Variants in BSN observed in about 807,000 individuals in gnomAD.
BSN encodes the protein protein bassoon.
In BSN, 57 loss-of-function variants were observed where a neutral mutation model predicts 264.8. The ratio of observed to expected loss-of-function variants is 0.22; its 90% CI spans 0.17 to 0.27. BSN has a LOEUF of 0.27. Ranked by LOEUF, BSN falls within the 10% of genes least tolerant of loss-of-function variation. BSN has a pLI of 1.00. For missense variants in BSN, 4,615 were observed against 5,232.5 expected (o/e 0.88, Z 3.64); for synonymous variants, 2,059 against 2,137.3 (o/e 0.96, Z 1.01).
intron 1 of BSN, among the ~76,000 whole-genome samples, chr3:49,597,235 G>A (rs914197552): frequency 6.6e-6 from 1 of 151,940 alleles, no homozygotes; most frequent in Non-Finnish European, 1.5e-5. Flanking sequence ...AGATTGCCCA[G>A]TCTTACTGAT....
chr3:49,567,440 G>C (rs2051760672), intron 1 of BSN, among the ~76,000 whole-genome samples: 1 of 152,216 alleles, frequency 6.6e-6, no homozygotes, highest in South Asian at 2.1e-4. Context: ...TCATGCATCT[G>C]CATGCTGGCT....
At position 49,554,691 on chromosome 3, in the gene BSN, GC is replaced by G. The variant is rs1344614824; in HGVS notation, c.93del (p.Gly32AlafsTer100). ...GGCCCCGGCCCGGGCCCCGGCCCCGGCCCCGGCGCAGGAAAGCCGCCTTCAG... is the reference window on the plus strand; with the variant it reads ...GGCCCCGGCCCGGGCCCCGGCCCCGGCCCGGCGCAGGAAAGCCGCCTTCAG... ...GAGPGPGPGP[G>X]PGAGKPPSAP... On this transcript the variant is annotated frameshift_variant, in exon 1 of 12. Transcript: ENST00000296452. LOFTEE classifies it high-confidence loss of function. The G allele has an allele frequency of 1.8e-6, 2 of 1,096,656 alleles. No individual in the cohort carries two copies. Among genetic ancestry groups the G allele is most frequent in the Non-Finnish European group, 2.2e-6 (2 of 899,882 alleles). 67.9% of individuals were successfully genotyped at this position (1,096,656 alleles called of 1,614,324 possible). A position where few individuals can be genotyped will look rare whatever the true frequency, so the allele number is the denominator to read the frequency against.
At chr3:49,612,545 G>A (rs2052216666) in intron 1 of BSN, among the ~76,000 whole-genome samples, 1 of 152,198 alleles carries the variant, frequency 6.6e-6, no homozygotes, top group South Asian at 2.1e-4. Context: ...CTATTGGACT[G>A]GTTAGCAAAG....
rs2052433769 is a variant in BSN at position 49,638,124 on chromosome 3, G to A, written c.634-4144G>A. ...GAGGCTTCTTGTCACACTGGTAAAA[G>A]GATAGTCCCTCTGATTCTGATGGAG... is the stretch of plus-strand genomic sequence containing the variant. On this transcript the variant is annotated intron_variant, in intron 2 of 11. Transcript: ENST00000296452. This position sits in a 1 kb window ranked among gnomAD's most constrained non-coding sequence, Gnocchi z 4.3. Among the ~76,000 whole-genome samples the A allele has an allele frequency of 6.6e-6, 1 of 152,344 alleles. No homozygotes were observed. The highest frequency in any genetic ancestry group is 2.1e-4 in the South Asian group (1 of 4,832).
Position 49,663,555 on chromosome 3 carries a change from G to C in BSN, c.11397G>C (p.Leu3799=), listed in dbSNP as rs2052684569. The part of the protein sequence containing the change: ...PPQQALTQAR[L]QQQSQPTTRG... The stretch of plus-strand genomic sequence containing the variant: ...AGCAGGCTCTGACACAGGCTCGGCT[G>C]CAGCAACAGAGCCAGCCAACCACCC... The change falls in exon 7 of 12, where the codon CTG becomes CTC. Residue 3799 remains leucine (L), a synonymous_variant. Coordinates refer to ENST00000296452, the MANE Select transcript of BSN (RefSeq NM_003458.4). 6.2e-7 allele frequency: 1 copy of C among 1,607,936 alleles called. No homozygotes were observed. The highest frequency in any genetic ancestry group is 8.5e-7 in the Non-Finnish European group (1 of 1,178,760).
At position 49,661,790 on chromosome 3, in the gene BSN, C is replaced by T; in HGVS notation, c.9945C>T (p.Ala3315=). The T allele has an allele frequency of 6.2e-7, 1 of 1,613,572 alleles. No individual in the cohort carries two copies. Among genetic ancestry groups the T allele is most frequent in the Non-Finnish European group, 8.5e-7 (1 of 1,180,046 alleles). ...GCATGGAGAGCAATGGTCGACCAGCCAGTACCCACTACTATGGTGACAGTG... is the reference window on the plus strand; with the variant it reads ...GCATGGAGAGCAATGGTCGACCAGCTAGTACCCACTACTATGGTGACAGTG... ...LRSMESNGRP[A]STHYYGDSDY... is the part of the protein sequence containing the mutation. Residue 3315 remains alanine, a synonymous_variant, in exon 6 of 12, where the codon GCC becomes GCT. Transcript: ENST00000296452.
chr3:49,599,318 T>C (rs2052052661), intron 1 of BSN, among the ~76,000 whole-genome samples: 1 of 152,216 alleles, frequency 6.6e-6, no homozygotes, highest in South Asian at 2.1e-4. Context: ...GGGTTGACAG[T>C]GACCCCAAGA....
chr3:49,645,627 T>G (rs1162310252), intron 3 of BSN, among the ~76,000 whole-genome samples: 1 of 152,190 alleles, frequency 6.6e-6, no homozygotes, highest in Non-Finnish European at 1.5e-5. Flanking sequence ...GGTGCTGATA[T>G]GTTCACCATC....
At chr3:49,594,031 T>C (rs2052002131) in intron 1 of BSN, among the ~76,000 whole-genome samples, 1 of 152,110 alleles carries the variant, frequency 6.6e-6, no homozygotes, top group African/African-American at 2.4e-5. Flanking sequence ...CTCGATCTCC[T>C]GATCTGGCGA....
chr3:49,575,470 A>ATGTGTATATATGTAAATATATATG (rs2051837742), intron 1 of BSN, among the ~76,000 whole-genome samples: 2 of 147,212 alleles, frequency 1.4e-5, no homozygotes, highest in South Asian at 2.1e-4. Context: ...AAATATATAT[A>ATGTGTATATATGTAAATATATATG]TGTGTATATA....
Position 49,650,735 on chromosome 3 carries a change from T to A in BSN, c.1642T>A (p.Ser548Thr), listed in dbSNP as rs754984710. The change falls in exon 4 of 12, where the codon TCT (serine) becomes ACT (threonine). Residue 548 changes from serine to threonine, a missense_variant. Transcript: ENST00000296452. ...CCCTGTAGGGGCCCCTCACCGTGCA[T>A]CTGGAACATCCCCTCTGAAGCAGAA... ...QPPVGAPHRA[S>T]GTSPLKQKGP... 1.1e-5 allele frequency: 17 copies of A among 1,613,268 alleles called. No individual in the cohort carries two copies. The East Asian group carries it at 3.3e-4, about 32-fold the overall frequency.
chr3:49,642,687 C>T lies in BSN; in HGVS notation c.1053C>T (p.Phe351=), dbSNP rs748861452. 32 of 1,612,286 alleles carry T rather than the reference C, an allele frequency of 2.0e-5. No homozygotes were observed. The Admixed American group carries it at 2.0e-4, about 10-fold the overall frequency. ...QTQEGLTGKL[F]GLGASLLTQA... ...AGGAGGGCCTCACTGGTAAGCTCTT[C>T]GGCCTTGGCGCGTCACTGCTAACCC... Residue 351 remains phenylalanine, a synonymous_variant, in exon 3 of 12, where the codon TTC becomes TTT. Transcript: ENST00000296452. The surrounding 1 kb of genome is among the most constrained non-coding windows in gnomAD (Gnocchi z 7.0).
In BSN at chr3:49,650,932, C is replaced by T. The variant is rs372878257; in HGVS notation, c.1839C>T (p.Pro613=). 5 of 1,614,188 alleles carry T rather than the reference C, an allele frequency of 3.1e-6. No homozygotes were observed. In the South Asian group the frequency reaches 3.3e-5, roughly 11 times the overall value. Reference sequence around the variant, plus strand: ...TCCAGGAAAAGAAGACCCGAGTCCCCACTAAAGCTGAGCCCATGCCGAAGC... The same window carrying T: ...TCCAGGAAAAGAAGACCCGAGTCCCTACTAAAGCTGAGCCCATGCCGAAGC... The part of the protein sequence containing the change: ...SSVQEKKTRV[P]TKAEPMPKPP... The change falls in exon 4 of 12, where the codon CCC becomes CCT. Residue 613 remains proline (P), a synonymous_variant. Transcript: ENST00000296452.
In BSN at chr3:49,643,135, A is replaced by G; in HGVS notation, c.1501A>G (p.Thr501Ala). The G allele has an allele frequency of 6.2e-7, 1 of 1,608,912 alleles. No homozygotes were observed. Among genetic ancestry groups the G allele is most frequent in the Non-Finnish European group, 8.5e-7 (1 of 1,176,292 alleles). The change falls in exon 3 of 12, where the codon ACA (threonine) becomes GCA (alanine). Residue 501 changes from threonine to alanine, a missense_variant. Physicochemically the swap from Thr to Ala is moderately conservative, Grantham distance 58. Transcript: ENST00000296452. ...QVCNLCGFNP[T>A]PHLVEKTEWL... is the part of the protein sequence containing the mutation. ...GTGCAACCTGTGTGGCTTCAACCCA[A>G]CACCCCACCTGGTGGAGGTAAGAGC...
At chr3:49,649,464 C>G (rs924206902) in intron 3 of BSN, among the ~76,000 whole-genome samples, 1 of 152,216 alleles carries the variant, frequency 6.6e-6, no homozygotes, top group African/African-American at 2.4e-5. Context: ...CTCTCATTCT[C>G]CATCCCATGT....
At chr3:49,618,494 T>A (rs62262672) in intron 1 of BSN, among the ~76,000 whole-genome samples, 19,270 of 152,208 alleles carry the variant, frequency 0.13, 1,436 homozygotes, top group Middle Eastern at 0.24. Flanking sequence ...CATTCCCCTA[T>A]GTGAAAACCT....
chr3:49,629,261 G>T (rs2052367152), intron 2 of BSN, among the ~76,000 whole-genome samples: 1 of 152,242 alleles, frequency 6.6e-6, no homozygotes, highest in African/African-American at 2.4e-5. Context: ...GCCTGCTCAG[G>T]CCTGCTAGTC....
At position 49,625,471 on chromosome 3, in the gene BSN, T is replaced by C; in HGVS notation, c.633+88T>C. On this transcript the variant is annotated intron_variant, in intron 2 of 11. Transcript: ENST00000296452. This position sits in a 1 kb window ranked among gnomAD's most constrained non-coding sequence, Gnocchi z 4.4. ...CCCTTCCCCTCTTTCACCAACTCTC[T>C]TTTCCTGGTCATTTCCCTTGACCAC... The C allele has an allele frequency of 1.6e-6, 2 of 1,267,028 alleles. No individual in the cohort carries two copies. The highest frequency in any genetic ancestry group is 2.0e-5 in the South Asian group (1 of 50,936). 78.5% of individuals were successfully genotyped at this position (1,267,028 alleles called of 1,614,324 possible).
At position 49,657,747 on chromosome 3, in the gene BSN, G is replaced by A. The variant is rs138976087; in HGVS notation, c.8191G>A (p.Gly2731Arg). The change falls in exon 5 of 12, where the codon GGG becomes AGG. Residue 2731 changes from glycine to arginine, a missense_variant. Physicochemically the swap from Gly to Arg is moderately radical, Grantham distance 125. Transcript: ENST00000296452. ...AGATGGGCAGGCCCAGGGTGTAGCC[G>A]GGCCGCAGCTTGTAGGGCCAACTGC... ...EPDGQAQGVA[G>R]PQLVGPTAIS... 2.3e-5 allele frequency: 36 copies of A among 1,548,604 alleles called. No individual in the cohort carries two copies. In the Middle Eastern group the frequency reaches 5.2e-4, roughly 23 times the overall value.
Sources: gnomAD v4.1 joint callset for allele counts (sites outside exome capture counted in the v4.1 genomes callset) on GRCh38, gnomAD v4.1.1 for gene constraint, Gnocchi (gnomAD v3.1) non-coding constraint, MANE v1.5 for transcripts, NCBI Gene and HGNC (gene_info 2026-07-23, HGNC 2026-07-21) for gene names.